INIP: variants seen among roughly 807,000 people sequenced by gnomAD.
INIP encodes INTS3 and NABP interacting protein.
Under a neutral mutation model 14.0 loss-of-function variants are expected in INIP, and 9 were observed. That is an observed-to-expected ratio of 0.64 (90% confidence interval 0.39 to 1.12). The LOEUF (loss-of-function observed/expected upper bound fraction) is 1.12. Among genes scored for constraint, INIP ranks in the 50% most tolerant of loss-of-function variants. INIP has a pLI of 0.01. For synonymous variants in INIP, 37 were observed against 41.5 expected (o/e 0.89, Z 0.41); for missense variants, 78 against 122.7 (o/e 0.64, Z 1.72).
chr9:112,685,202 C>G lies in INIP; in HGVS notation c.*2336G>C, dbSNP rs62575233. On this transcript the variant is annotated 3_prime_UTR_variant, in exon 5 of 5. Transcript: ENST00000374242. ...AAGCAATCCTCCCACCTCAGCCTCC[C>G]GAGTGGCTGGGACTCTATGCATGCA... 1.1e-4 allele frequency: 16 copies of G among 152,096 alleles called. No homozygotes were observed. Among genetic ancestry groups the G allele is most frequent in the African/African-American group, 3.9e-4 (16 of 41,354 alleles). 9.4% of individuals were successfully genotyped at this position (152,096 alleles called of 1,614,324 possible). A position where few individuals can be genotyped will look rare whatever the true frequency, so the allele number is the denominator to read the frequency against.
chr9:112,699,052 TCA>T (rs1437972160), intron 2 of INIP, among the ~76,000 whole-genome samples: 4 of 152,190 alleles, frequency 2.6e-5, no homozygotes, highest in Non-Finnish European at 5.9e-5. Context: ...GTTCAGTGGT[TCA>T]CACCTGTAAT....
chr9:112,700,642 G>A (rs974816927), intron 2 of INIP, among the ~76,000 whole-genome samples: 48 of 149,936 alleles, frequency 3.2e-4, no homozygotes, highest in African/African-American at 1.1e-3. Context: ...TATATTTGAC[G>A]ATTTTCTACC....
At chr9:112,697,575 C>A (rs1838139035) in intron 2 of INIP, among the ~76,000 whole-genome samples, 1 of 152,152 alleles carries the variant, frequency 6.6e-6, no homozygotes, top group Non-Finnish European at 1.5e-5. Flanking sequence ...CAGAGCAAGA[C>A]CCTGTCACTT....
At chr9:112,702,162 T>C (rs1838319266) in intron 2 of INIP, among the ~76,000 whole-genome samples, 1 of 152,162 alleles carries the variant, frequency 6.6e-6, no homozygotes, top group South Asian at 2.1e-4. Flanking sequence ...GCAAAGTAAA[T>C]GGCCACATTG....
Position 112,689,556 on chromosome 9 carries a change from T to C in INIP, c.190A>G (p.Ile64Val), listed in dbSNP as rs1837802546. The change falls in exon 4 of 5, where the codon ATT (isoleucine) becomes GTT (valine). Residue 64 changes from isoleucine to valine, a missense_variant. By Grantham distance (29) the Ile-to-Val change is conservative. Transcript: ENST00000374242. ...DFRDHAEQQHIAAQQKAALQH... is the reference protein window; with the variant it reads ...DFRDHAEQQHVAAQQKAALQH... Reference sequence around the variant, plus strand: ...AAAGCTGCCTTCTGTTGGGCTGCAATATGCTGCTGCTCAGCGTGATCCCGG... The same window carrying C: ...AAAGCTGCCTTCTGTTGGGCTGCAACATGCTGCTGCTCAGCGTGATCCCGG... 6.2e-7 allele frequency: 1 copy of C among 1,614,090 alleles called. No individual in the cohort carries two copies. The highest frequency in any genetic ancestry group is 1.3e-5 in the African/African-American group (1 of 74,934).
rs1374813752 is a variant in INIP, at chr9:112,687,505, T to TACAAAGTCACTTTTGCG, written c.*32_*33insCGCAAAAGTGACTTTGT. ...TGATAGTAGCTTTGGCATTTGATAT[T>TACAAAGTCACTTTTGCG]ACAAAGTCACTTTTCCATCGCAAAT... On this transcript the variant is annotated 3_prime_UTR_variant, in exon 5 of 5. Coordinates refer to ENST00000374242, the MANE Select transcript of INIP (RefSeq NM_021218.3). The TACAAAGTCACTTTTGCG allele has an allele frequency of 7.4e-7, 1 of 1,359,916 alleles. No individual in the cohort carries two copies. The highest frequency in any genetic ancestry group is 1.4e-5 in the African/African-American group (1 of 69,976). 84.2% of individuals were successfully genotyped at this position (1,359,916 alleles called of 1,614,324 possible). A position where few individuals can be genotyped will look rare whatever the true frequency, so the allele number is the denominator to read the frequency against.
intron 2 of INIP, among the ~76,000 whole-genome samples, chr9:112,712,614 T>A (rs921838781): frequency 1.3e-5 from 2 of 152,232 alleles, no homozygotes; most frequent in African/African-American, 4.8e-5. Context: ...AAGGGGTATT[T>A]TAGCAAAGAA....
intron 3 of INIP, among the ~76,000 whole-genome samples, chr9:112,690,796 G>A (rs1837859414): frequency 6.6e-6 from 1 of 152,184 alleles, no homozygotes; most frequent in East Asian, 1.9e-4. Flanking sequence ...TCTTACAAAT[G>A]GGACACACCA....
chr9:112,696,525 CCAGCTGAGTGTCCTA>C (rs1412065112), intron 2 of INIP, among the ~76,000 whole-genome samples: 2 of 152,202 alleles, frequency 1.3e-5, no homozygotes, highest in African/African-American at 4.8e-5. Context: ...TCAGTGGACA[CCAGCTGAGTGTCCTA>C]TAATTCAATT....
intron 2 of INIP, among the ~76,000 whole-genome samples, chr9:112,711,542 T>C (rs1838647766): frequency 6.6e-6 from 1 of 152,232 alleles, no homozygotes; most frequent in East Asian, 1.9e-4. Flanking sequence ...TTGCAGTGCA[T>C]TGTGTGGTTT....
rs532402088 is a variant in INIP, at chr9:112,706,517, G to A, written c.25+9944C>T. 3.3e-5 allele frequency among the ~76,000 whole-genome samples: 5 copies of A among 151,912 alleles called. No individual in the cohort carries two copies. In the South Asian group the frequency reaches 1.0e-3, roughly 32 times the overall value. ...AATCCTCCTGCCTCAGACTCCCAAA[G>A]TAGTGGGATTACAGGCATGAGCCAC... On this transcript the variant is annotated intron_variant, in intron 2 of 4. Coordinates refer to ENST00000374242, the MANE Select transcript of INIP (RefSeq NM_021218.3).
At chr9:112,694,830 T>TA (rs766334495) in intron 2 of INIP, among the ~76,000 whole-genome samples, 19 of 152,184 alleles carry the variant, frequency 1.2e-4, no homozygotes, top group Non-Finnish European at 2.5e-4. Flanking sequence ...AAATGGAGCG[T>TA]AACTGACAGG....
chr9:112,706,780 A>T (rs547820695), intron 2 of INIP, among the ~76,000 whole-genome samples: 3 of 152,134 alleles, frequency 2.0e-5, no homozygotes, highest in Non-Finnish European at 4.4e-5. Flanking sequence ...AATTTTTAAA[A>T]ATAGTATAGA....
rs939692450 is a variant in INIP, at chr9:112,685,916, A to G, written c.*1622T>C. 1 of 152,204 alleles carries G rather than the reference A, an allele frequency of 6.6e-6. No individual in the cohort carries two copies. Among genetic ancestry groups the G allele is most frequent in the African/African-American group, 2.4e-5 (1 of 41,436 alleles). 9.4% of individuals were successfully genotyped at this position (152,204 alleles called of 1,614,324 possible). On this transcript the variant is annotated 3_prime_UTR_variant, in exon 5 of 5. Coordinates refer to ENST00000374242, the MANE Select transcript of INIP (RefSeq NM_021218.3). ...AAGGAAATCAGTTCAAATTCTAAAAAAAACCTACATGGCACAGCCAATTCT... is the reference window on the plus strand; with the variant it reads ...AAGGAAATCAGTTCAAATTCTAAAAGAAACCTACATGGCACAGCCAATTCT...
intron 4 of INIP, among the ~76,000 whole-genome samples, chr9:112,687,851 T>C (rs565652585): frequency 1.2e-4 from 18 of 152,240 alleles, no homozygotes; most frequent in Admixed American, 7.2e-4. Context: ...TTTGGGAGGC[T>C]GAGGTGGGCG....
chr9:112,706,473 T>C (rs2131306896), intron 2 of INIP, among the ~76,000 whole-genome samples: 1 of 151,982 alleles, frequency 6.6e-6, no homozygotes, highest in Admixed American at 6.6e-5. Context: ...AGGCTCATCT[T>C]AAACTCCTGG....
At chr9:112,706,727 AT>A (rs1367163570) in intron 2 of INIP, among the ~76,000 whole-genome samples, 1 of 152,086 alleles carries the variant, frequency 6.6e-6, no homozygotes, top group African/African-American at 2.4e-5. Flanking sequence ...AAGCACAAAG[AT>A]GTTTAATATA....
chr9:112,684,108 A>G lies in INIP; in HGVS notation c.*3430T>C, dbSNP rs1468917536. ...TCCTTCAACATATTGAACACCTACT[A>G]TATGCCAAATATATTTTATGTGGAA... On this transcript the variant is annotated 3_prime_UTR_variant, in exon 5 of 5. Transcript: ENST00000374242. The G allele has an allele frequency of 6.6e-6, 1 of 152,214 alleles. No homozygotes were observed. The highest frequency in any genetic ancestry group is 1.5e-5 in the Non-Finnish European group (1 of 68,038). 9.4% of individuals were successfully genotyped at this position (152,214 alleles called of 1,614,324 possible).
rs1217725096 is a variant in INIP, at chr9:112,685,896, A to T, written c.*1642T>A. On this transcript the variant is annotated 3_prime_UTR_variant, in exon 5 of 5. Transcript: ENST00000374242. The stretch of plus-strand genomic sequence containing the variant: ...GTTGCCACCTCATCAAAATGAAGGA[A>T]ATCAGTTCAAATTCTAAAAAAAACC... The T allele has an allele frequency of 2.0e-5, 3 of 152,188 alleles. No homozygotes were observed. The highest frequency in any genetic ancestry group is 1.9e-4 in the East Asian group (1 of 5,198). The allele number at this position is 152,188 out of a possible 1,614,324, so 9.4% of individuals were successfully genotyped here. A position where few individuals can be genotyped will look rare whatever the true frequency, so the allele number is the denominator to read the frequency against.
Sources: gnomAD v4.1 joint callset for allele counts (sites outside exome capture counted in the v4.1 genomes callset) on GRCh38, gnomAD v4.1.1 for gene constraint, MANE v1.5 for transcripts, NCBI Gene and HGNC (gene_info 2026-07-23, HGNC 2026-07-21) for gene names.